Variants in SPOCD1 observed in about 807,000 individuals in gnomAD.
SPOCD1 encodes SPOC domain containing 1.
A neutral mutation model predicts 92.2 loss-of-function variants in SPOCD1; 64 were observed. The ratio of observed to expected loss-of-function variants is 0.69; its 90% CI spans 0.57 to 0.86. SPOCD1 has a LOEUF of 0.86. Ranked by LOEUF, SPOCD1 falls within the 40% of genes least tolerant of loss-of-function variation. The pLI, the probability that SPOCD1 is intolerant of heterozygous loss-of-function variation, is 0.00. For synonymous variants in SPOCD1, 578 were observed against 619.3 expected (o/e 0.93, Z 0.99); for missense variants, 1,360 against 1,543.1 (o/e 0.88, Z 1.99).
In SPOCD1 at chr1:31,799,867, T is replaced by C. The variant is rs774570065; in HGVS notation, c.1729-4A>G. ...CTTCAGCCTCCATTGGGCCACTCTG[T>C]AGGGGAGGCGTGAGGAATTGAGGCT... On this transcript the variant is annotated splice_region_variant and splice_polypyrimidine_tract_variant and intron_variant, in intron 5 of 15. Transcript: ENST00000360482. 6 of 1,614,008 alleles carry C rather than the reference T, an allele frequency of 3.7e-6. No homozygotes were observed. The highest frequency in any genetic ancestry group is 5.1e-6 in the Non-Finnish European group (6 of 1,180,020).
intron 4 of SPOCD1, 130 bp downstream of exon 4, chr1:31,800,310 AC>A: frequency 1.4e-6 from 2 of 1,424,572 alleles, no homozygotes; most frequent in South Asian, 1.4e-5. Flanking sequence ...CTGGGGCCGA[AC>A]CCTGCCTCTG....
chr1:31,801,728 A>G, intron 2 of SPOCD1, 23 bp from the exon 3 acceptor site: 1 of 1,610,826 alleles, frequency 6.2e-7, no homozygotes, highest in Non-Finnish European at 8.5e-7. Context: ...GAGGATGCAG[A>G]GATTAGAATC....
At position 31,814,339 on chromosome 1, in the gene SPOCD1, G is replaced by GC. The variant is rs1649404165; in HGVS notation, c.994dup (p.Ala332GlyfsTer22). ...CTGCTCTGCAGAGGCCTGTGCTGACGCCCCCAGGCACAGTGCTGCGCTCTG... is the reference window on the plus strand; with the variant it reads ...CTGCTCTGCAGAGGCCTGTGCTGACGCCCCCCAGGCACAGTGCTGCGCTCTG... On this transcript the variant is annotated frameshift_variant, in exon 2 of 16. Transcript: ENST00000360482. LOFTEE classifies it high-confidence loss of function. The surrounding 1 kb of genome is among the most constrained non-coding windows in gnomAD (Gnocchi z 4.2). 1 of 1,579,370 alleles carries GC rather than the reference G, an allele frequency of 6.3e-7. No individual in the cohort carries two copies. Among genetic ancestry groups the GC allele is most frequent in the African/African-American group, 1.3e-5 (1 of 74,136 alleles).
Position 31,792,747 on chromosome 1 carries a change from G to A in SPOCD1, c.2706C>T (p.Arg902=), listed in dbSNP as rs1381005673. The A allele has an allele frequency of 6.2e-7, 1 of 1,606,562 alleles. No homozygotes were observed. The highest frequency in any genetic ancestry group is 1.7e-5 in the Admixed American group (1 of 59,056). The part of the protein sequence containing the change: ...RLVQALPTVI[R]SAGCIPSNIV... ...TGTTGGAGGGGATGCAGCCTGCCGAGCGGATCACGGTGGGCAGAGCCTAGG... is the reference window on the plus strand; with the variant it reads ...TGTTGGAGGGGATGCAGCCTGCCGAACGGATCACGGTGGGCAGAGCCTAGG... The change falls in exon 14 of 16, where the codon CGC becomes CGT. Residue 902 remains arginine, a synonymous_variant. Transcript: ENST00000360482.
chr1:31,807,603 A>T (rs1648922145), intron 2 of SPOCD1, among the ~76,000 whole-genome samples: 1 of 151,680 alleles, frequency 6.6e-6, no homozygotes, highest in African/African-American at 2.4e-5. Context: ...GAAAGGAAAA[A>T]AGGCAGAAAA....
At chr1:31,795,746 GA>G (rs1647963900) in intron 10 of SPOCD1, 1 of 152,252 alleles carries the variant, frequency 6.6e-6, no homozygotes, top group Admixed American at 6.5e-5. Flanking sequence ...CCAGTGCCTA[GA>G]ACCGTGCCTG....
Position 31,814,405 on chromosome 1 carries a change from C to A in SPOCD1, c.929G>T (p.Ser310Ile). 6.2e-7 allele frequency: 1 copy of A among 1,609,402 alleles called. No individual in the cohort carries two copies. Among genetic ancestry groups the A allele is most frequent in the Non-Finnish European group, 8.5e-7 (1 of 1,177,904 alleles). The part of the protein sequence containing the change: ...PCGPVGFPVP[S>I]GGESLSSAAQ... Reference sequence around the variant, plus strand: ...AGCTGAACTGAGGGACTCCCCTCCACTGGGCACTGGGAACCCGACAGGGCC... The same window carrying A: ...AGCTGAACTGAGGGACTCCCCTCCAATGGGCACTGGGAACCCGACAGGGCC... Residue 310 changes from serine to isoleucine, a missense_variant, in exon 2 of 16, where the codon AGT becomes ATT. Coordinates refer to ENST00000360482, the MANE Select transcript of SPOCD1 (RefSeq NM_144569.7). This position sits in a 1 kb window ranked among gnomAD's most constrained non-coding sequence, Gnocchi z 4.2.
chr1:31,811,912 C>T (rs1649227029), intron 2 of SPOCD1, among the ~76,000 whole-genome samples: 1 of 152,218 alleles, frequency 6.6e-6, no homozygotes, highest in Admixed American at 6.5e-5. Flanking sequence ...TCCACCACCG[C>T]ACTCAAACCA....
Position 31,794,240 on chromosome 1 carries a change from G to A in SPOCD1, c.2272-5C>T, listed in dbSNP as rs1386002104. The A allele has an allele frequency of 2.5e-6, 4 of 1,607,532 alleles. No individual in the cohort carries two copies. The highest frequency in any genetic ancestry group is 3.4e-6 in the Non-Finnish European group (4 of 1,174,896). On this transcript the variant is annotated splice_region_variant and splice_polypyrimidine_tract_variant and intron_variant, in intron 10 of 15. Coordinates refer to ENST00000360482, the MANE Select transcript of SPOCD1 (RefSeq NM_144569.7). ...GTCCATGAACATCTGCGGTCCCTGGGAGGCAGAAGACAGAGGGGCAGGCTG... is the reference window on the plus strand; with the variant it reads ...GTCCATGAACATCTGCGGTCCCTGGAAGGCAGAAGACAGAGGGGCAGGCTG...
In SPOCD1 at chr1:31,798,589, G is replaced by T; in HGVS notation, c.1881C>A (p.Leu627=). The stretch of plus-strand genomic sequence containing the variant: ...CCTCCTCACTCAGCACTGGGTCTGG[G>T]AGCTCCCGAAGGCTGTGGAGGCCAG... The part of the protein sequence containing the change: ...QEVLWTRLRE[L]PDPVLSEEVV... The change falls in exon 8 of 16, where the codon CTC becomes CTA. Residue 627 remains leucine, a synonymous_variant. Transcript: ENST00000360482. The surrounding 1 kb of genome is among the most constrained non-coding windows in gnomAD (Gnocchi z 4.1). The T allele has an allele frequency of 6.2e-7, 1 of 1,613,032 alleles. No individual in the cohort carries two copies. The highest frequency in any genetic ancestry group is 8.5e-7 in the Non-Finnish European group (1 of 1,179,756).
intron 2 of SPOCD1, among the ~76,000 whole-genome samples, chr1:31,812,266 T>A (rs1649247292): frequency 6.6e-6 from 1 of 152,198 alleles, no homozygotes; most frequent in Non-Finnish European, 1.5e-5. Flanking sequence ...GATTGAATGT[T>A]AGCCTATTGG....
Position 31,798,615 on chromosome 1 carries a change from G to A in SPOCD1, c.1869-14C>T, listed in dbSNP as rs1363809992. On this transcript the variant is annotated splice_polypyrimidine_tract_variant and intron_variant, in intron 7 of 15. Transcript: ENST00000360482. The surrounding 1 kb of genome is among the most constrained non-coding windows in gnomAD (Gnocchi z 4.1). ...AGCTCCCGAAGGCTGTGGAGGCCAG[G>A]GCAGGGCGGGGGCACTGAGCCCAGG... 1 of 1,609,874 alleles carries A rather than the reference G, an allele frequency of 6.2e-7. No individual in the cohort carries two copies. The highest frequency in any genetic ancestry group is 2.2e-5 in the East Asian group (1 of 44,774).
intron 2 of SPOCD1, among the ~76,000 whole-genome samples, chr1:31,808,339 TA>T (rs201309485): frequency 1.5e-4 from 21 of 144,196 alleles, no homozygotes; most frequent in Admixed American, 2.1e-4. Flanking sequence ...ACTTAATATT[TA>T]AAAAAAAAAA....
chr1:31,810,704 C>T (rs185679326), intron 2 of SPOCD1, among the ~76,000 whole-genome samples: 1 of 152,312 alleles, frequency 6.6e-6, no homozygotes, highest in Non-Finnish European at 1.5e-5. Flanking sequence ...ACTTGAAGCT[C>T]TCAGTCTATA....
intron 2 of SPOCD1, among the ~76,000 whole-genome samples, chr1:31,802,044 T>C (rs1648503905): frequency 6.6e-6 from 1 of 152,112 alleles, no homozygotes; most frequent in Admixed American, 6.5e-5. Flanking sequence ...GGCGGGTGCC[T>C]GTAATCCCAG....
intron 10 of SPOCD1, 138 bp downstream of exon 10, chr1:31,796,452 G>T: frequency 7.5e-7 from 1 of 1,333,560 alleles, no homozygotes; most frequent in Non-Finnish European, 1.1e-6. Flanking sequence ...GTTAAGGATC[G>T]CTGTCCCCGT....
chr1:31,811,703 C>T (rs1649210942), intron 2 of SPOCD1, among the ~76,000 whole-genome samples: 1 of 152,242 alleles, frequency 6.6e-6, no homozygotes, highest in African/African-American at 2.4e-5. Flanking sequence ...GCCCAGGCCC[C>T]ACTCAGCCCT....
chr1:31,799,622 G>T lies in SPOCD1; in HGVS notation c.1784-137C>A, dbSNP rs545665248. ...CCTAGACCCCTCCCTCTATCCATCT[G>T]GGAGCCAAGCCCAGGCAGCCAGTGG... On this transcript the variant is annotated intron_variant, in intron 6 of 15. Transcript: ENST00000360482. The T allele has an allele frequency of 1.0e-4, 108 of 1,082,626 alleles. No individual in the cohort carries two copies. The African/African-American group carries it at 1.6e-3, about 16-fold the overall frequency. The allele number at this position is 1,082,626 out of a possible 1,614,324, so 67.1% of individuals were successfully genotyped here.
Position 31,794,149 on chromosome 1 carries a change from T to A in SPOCD1, c.2358A>T (p.Leu786Phe). Reference sequence around the variant, plus strand: ...CCTTGCAGATGTGGCAGTTGGGGTCTAAGAAGTGGTGGTCATGCTGCCCCG... The same window carrying A: ...CCTTGCAGATGTGGCAGTTGGGGTCAAAGAAGTGGTGGTCATGCTGCCCCG... ...DTTGQHDHHFLDPNCHICKDW... is the reference protein window; with the variant it reads ...DTTGQHDHHFFDPNCHICKDW... The change falls in exon 11 of 16, where the codon TTA (leucine) becomes TTT (phenylalanine). Residue 786 changes from leucine to phenylalanine, a missense_variant. Physicochemically the swap from Leu to Phe is conservative, Grantham distance 22. Coordinates refer to ENST00000360482, the MANE Select transcript of SPOCD1 (RefSeq NM_144569.7). The A allele has an allele frequency of 6.2e-7, 1 of 1,613,786 alleles. No individual in the cohort carries two copies. Among genetic ancestry groups the A allele is most frequent in the South Asian group, 1.1e-5 (1 of 91,068 alleles).
Sources: gnomAD v4.1 joint callset for allele counts (sites outside exome capture counted in the v4.1 genomes callset) on GRCh38, gnomAD v4.1.1 for gene constraint, Gnocchi (gnomAD v3.1) non-coding constraint, MANE v1.5 for transcripts, NCBI Gene and HGNC (gene_info 2026-07-23, HGNC 2026-07-21) for gene names.